BRWD1: variants seen among roughly 807,000 people sequenced by gnomAD.
BRWD1 encodes bromodomain and WD repeat domain containing 1, also known as bromodomain and WD repeat-containing protein 1.
BRWD1 carries 82 observed loss-of-function variants against 251.2 expected under a neutral mutation model. That is an observed-to-expected ratio of 0.33 (90% CI 0.27 to 0.39). The LOEUF is 0.39. BRWD1 is among the 10% of genes least tolerant of loss of function. The pLI is 1.00. For synonymous variants in BRWD1, 918 were observed against 902.8 expected, an observed-to-expected ratio of 1.02 and a Z score of -0.30; for missense variants, 2,233 against 2,711.6, an observed-to-expected ratio of 0.82 and a Z score of 3.92.
In BRWD1 at chr21:39,210,910, CT is replaced by C. The variant is rs1296036169; in HGVS notation, c.3919del (p.Ser1307AlafsTer19). Reference protein sequence around the residue: ...GRRRVHDGKKSIRATNYVESN... With the variant: ...GRRRVHDGKKXIRATNYVESN... ...TTCAACATAGTTCGTAGCTCTGATGCTTTTTTTCCCATCATGGACCTAAAAA... is the reference window on the plus strand; with the variant it reads ...TTCAACATAGTTCGTAGCTCTGATGCTTTTTTCCCATCATGGACCTAAAAA... On this transcript the variant is annotated frameshift_variant, in exon 35 of 41. Coordinates refer to ENST00000342449, the MANE Select transcript of BRWD1 (RefSeq NM_033656.4). LOFTEE classifies it high-confidence loss of function. The C allele has an allele frequency of 3.1e-6, 5 of 1,611,272 alleles. No individual in the cohort carries two copies. Among genetic ancestry groups the C allele is most frequent in the Admixed American group, 1.7e-5 (1 of 59,298 alleles).
At chr21:39,260,153 G>C (rs973312442) in intron 17 of BRWD1, among the ~76,000 whole-genome samples, 1 of 152,174 alleles carries the variant, frequency 6.6e-6, no homozygotes, top group African/African-American at 2.4e-5. Context: ...GCAGTACATA[G>C]AGGCTTAATC....
chr21:39,248,665 AAAAAAAAAAAAAAAAAC>A (rs1568913807), intron 20 of BRWD1, among the ~76,000 whole-genome samples: 3 of 134,680 alleles, frequency 2.2e-5, no homozygotes, highest in East Asian at 4.6e-4. Flanking sequence ...AAAAAAAAAA[AAAAAAAAAAAAAAAAAC>A]ACTGGGGGGT....
At chr21:39,237,561 A>G (rs560048163) in intron 22 of BRWD1, among the ~76,000 whole-genome samples, 1 of 152,356 alleles carries the variant, frequency 6.6e-6, no homozygotes, top group African/African-American at 2.4e-5. Context: ...GAAAATTATA[A>G]AAGCATCTGT....
Position 39,193,318 on chromosome 21 carries a change from C to T in BRWD1, c.*2941G>A, listed in dbSNP as rs1442563298. ...GATTTAATCAGATATTTGCCACTTA[C>T]AAAAAGGGAGGCTGACCTTAGGAAT... On this transcript the variant is annotated 3_prime_UTR_variant, in exon 41 of 41. Transcript: ENST00000342449. The T allele has an allele frequency of 2.0e-6, 2 of 984,906 alleles. No homozygotes were observed. Among genetic ancestry groups the T allele is most frequent in the African/African-American group, 3.5e-5 (2 of 57,176 alleles). The allele number at this position is 984,906 out of a possible 1,614,324, so 61.0% of individuals were successfully genotyped here.
chr21:39,194,888 G>A lies in BRWD1; in HGVS notation c.*1371C>T. On this transcript the variant is annotated 3_prime_UTR_variant, in exon 41 of 41. Transcript: ENST00000342449. Reference sequence around the variant, plus strand: ...TTGTCTGAAATCAAACACAATTAGGGCTAATAAATAACTTACAGGTGGGGT... The same window carrying A: ...TTGTCTGAAATCAAACACAATTAGGACTAATAAATAACTTACAGGTGGGGT... 6 of 1,528,430 alleles carry A rather than the reference G, an allele frequency of 3.9e-6. No individual in the cohort carries two copies. In the South Asian group the frequency reaches 7.2e-5, roughly 18 times the overall value. 94.7% of individuals were successfully genotyped at this position (1,528,430 alleles called of 1,614,324 possible).
chr21:39,276,153 C>G lies in BRWD1; in HGVS notation c.1145+20G>C, dbSNP rs531900022. Reference sequence around the variant, plus strand: ...ATTTGCCTAATAACACACACACACACATACAAAACACACACTTACCGATCA... The same window carrying G: ...ATTTGCCTAATAACACACACACACAGATACAAAACACACACTTACCGATCA... On this transcript the variant is annotated intron_variant, in intron 12 of 40. Coordinates refer to ENST00000342449, the MANE Select transcript of BRWD1 (RefSeq NM_033656.4). The G allele has an allele frequency of 1.9e-6, 3 of 1,598,020 alleles. No homozygotes were observed. In the African/African-American group the frequency reaches 4.0e-5, roughly 21 times the overall value.
rs911833440 is a variant in BRWD1, at chr21:39,188,185, A to T, written c.*8074T>A. 7.6e-5 allele frequency: 75 copies of T among 985,406 alleles called. No individual in the cohort carries two copies. Among genetic ancestry groups the T allele is most frequent in the Non-Finnish European group, 8.8e-5 (73 of 829,904 alleles). 61.0% of individuals were successfully genotyped at this position (985,406 alleles called of 1,614,324 possible). A position where few individuals can be genotyped will look rare whatever the true frequency, so the allele number is the denominator to read the frequency against. On this transcript the variant is annotated 3_prime_UTR_variant, in exon 41 of 41. Coordinates refer to ENST00000342449, the MANE Select transcript of BRWD1 (RefSeq NM_033656.4). The stretch of plus-strand genomic sequence containing the variant: ...AGTACTCTTCTAGAACAGAAGTGAT[A>T]TTCCTTTTACGTATCTGAAGTTCAC...
At chr21:39,212,636 T>C (rs765729615) in intron 34 of BRWD1, 30 bp downstream of exon 34, 4 of 1,505,968 alleles carry the variant, frequency 2.7e-6, no homozygotes, top group Non-Finnish European at 3.6e-6. Flanking sequence ...AAAAAGAAAC[T>C]ACAAAAGTCA....
intron 27 of BRWD1, among the ~76,000 whole-genome samples, chr21:39,226,930 C>A (rs531149316): frequency 2.2e-4 from 33 of 151,878 alleles, no homozygotes; most frequent in African/African-American, 7.5e-4. Flanking sequence ...TCAAAACCAG[C>A]CTGGGCAATA....
chr21:39,313,349 G>A lies in BRWD1; in HGVS notation c.50-50C>T, dbSNP rs750408907. ...CAAGCCCCGGCGGGGAGGGGAGGGGGACGGGGCCAGGGGAGCCGGGGGAGC... is the reference window on the plus strand; with the variant it reads ...CAAGCCCCGGCGGGGAGGGGAGGGGAACGGGGCCAGGGGAGCCGGGGGAGC... On this transcript the variant is annotated intron_variant, in intron 1 of 40. Transcript: ENST00000342449. 2.9e-5 allele frequency: 44 copies of A among 1,496,110 alleles called. No homozygotes were observed. In the African/African-American group the frequency reaches 4.9e-4, roughly 17 times the overall value. The allele number at this position is 1,496,110 out of a possible 1,614,324, so 92.7% of individuals were successfully genotyped here.
At chr21:39,280,975 G>C (rs2035436860) in intron 8 of BRWD1, among the ~76,000 whole-genome samples, 1 of 152,152 alleles carries the variant, frequency 6.6e-6, no homozygotes, top group Non-Finnish European at 1.5e-5. Flanking sequence ...GAACTAGCTA[G>C]AGACATCTAG....
chr21:39,186,959 G>C lies in BRWD1; in HGVS notation c.*9300C>G. 6.7e-7 allele frequency: 1 copy of C among 1,502,392 alleles called. No individual in the cohort carries two copies. The highest frequency in any genetic ancestry group is 8.8e-7 in the Non-Finnish European group (1 of 1,131,378). The allele number at this position is 1,502,392 out of a possible 1,614,324, so 93.1% of individuals were successfully genotyped here. ...GGGAGTAATTTTAGAGCTGGGAGCA[G>C]AATGTAACTGCCAGTTTACTTGTGT... On this transcript the variant is annotated 3_prime_UTR_variant, in exon 41 of 41. Coordinates refer to ENST00000342449, the MANE Select transcript of BRWD1 (RefSeq NM_033656.4).
At position 39,234,564 on chromosome 21, in the gene BRWD1, C is replaced by T. The variant is rs1353634187; in HGVS notation, c.2766+2031G>A. Among the ~76,000 whole-genome samples the T allele has an allele frequency of 3.3e-5, 5 of 152,218 alleles. No individual in the cohort carries two copies. In the East Asian group the frequency reaches 5.8e-4, roughly 18 times the overall value. On this transcript the variant is annotated intron_variant, in intron 23 of 40. Coordinates refer to ENST00000342449, the MANE Select transcript of BRWD1 (RefSeq NM_033656.4). ...TTAACCCTTTGTTTAGATACTTAAA[C>T]CTGAAATTAAGCCAAAAAGCATAAT...
rs922935041 is a variant in BRWD1 at position 39,186,383 on chromosome 21, CT to C, written c.*9875del. The C allele has an allele frequency of 2.6e-5, 4 of 152,164 alleles. No homozygotes were observed. The highest frequency in any genetic ancestry group is 9.7e-5 in the African/African-American group (4 of 41,444). The allele number at this position is 152,164 out of a possible 1,614,324, so 9.4% of individuals were successfully genotyped here. ...TTATAAACAAAATGACATCAATGGA[CT>C]TTCTCTAATTGCCTATTTCCAACAC... On this transcript the variant is annotated 3_prime_UTR_variant, in exon 41 of 41. Coordinates refer to ENST00000342449, the MANE Select transcript of BRWD1 (RefSeq NM_033656.4).
chr21:39,278,685 T>A, intron 10 of BRWD1, 58 bp downstream of exon 10: 1 of 1,317,444 alleles, frequency 7.6e-7, no homozygotes, highest in Non-Finnish European at 1.0e-6. Flanking sequence ...AACCAAGTGG[T>A]CATTTAATAG....
rs772859915 is a variant in BRWD1 at position 39,270,481 on chromosome 21, T to C, written c.1245-48A>G. ...GTAAACTTATTTAGATGGCTGGCTA[T>C]ACAATGTATACAATCTCTCATCAAT... is the stretch of plus-strand genomic sequence containing the variant. On this transcript the variant is annotated intron_variant, in intron 13 of 40. Transcript: ENST00000342449. 18 of 1,417,828 alleles carry C rather than the reference T, an allele frequency of 1.3e-5. No homozygotes were observed. In the East Asian group the frequency reaches 2.4e-4, roughly 19 times the overall value. The allele number at this position is 1,417,828 out of a possible 1,614,324, so 87.8% of individuals were successfully genotyped here. A position where few individuals can be genotyped will look rare whatever the true frequency, so the allele number is the denominator to read the frequency against.
intron 10 of BRWD1, 48 bp downstream of exon 10, chr21:39,278,695 G>T (rs973521): frequency 7.1e-7 from 1 of 1,401,300 alleles, no homozygotes; most frequent in East Asian, 2.4e-5. Flanking sequence ...TCATTTAATA[G>T]ATGTTTAAAA....
chr21:39,285,230 A>G (rs2035595062), intron 8 of BRWD1, among the ~76,000 whole-genome samples: 1 of 152,224 alleles, frequency 6.6e-6, no homozygotes, highest in Non-Finnish European at 1.5e-5. Flanking sequence ...AAGGCACAGA[A>G]AGGCAAACAC....
chr21:39,235,640 C>G (rs1017548288), intron 23 of BRWD1: 2 of 221,052 alleles, frequency 9.0e-6, no homozygotes, highest in South Asian at 8.2e-5. Context: ...AAAAACTCCC[C>G]AAATTCTTTC....
Sources: allele counts gnomAD v4.1 joint callset (sites outside exome capture counted in the v4.1 genomes callset), GRCh38; gene constraint gnomAD v4.1.1; transcripts MANE v1.5; gene names NCBI Gene and HGNC (gene_info 2026-07-23, HGNC 2026-07-21).